The following TPTE2 variants were observed in gnomAD, a reference collection of about 807,000 sequenced individuals.
The protein encoded by TPTE2 is phosphatidylinositol 3,4,5-trisphosphate 3-phosphatase TPTE2.
In TPTE2, 53 loss-of-function variants were observed where a neutral mutation model predicts 78.6. The ratio of observed to expected loss-of-function variants is 0.67; its 90% CI spans 0.54 to 0.85. The LOEUF (loss-of-function observed/expected upper bound fraction) is 0.85, where lower values mean the gene tolerates loss of function less well. Among genes scored for constraint, TPTE2 ranks in the 40% least tolerant of loss-of-function variants. TPTE2 has a pLI of 0.00. For missense variants in TPTE2, 461 were observed against 623.0 expected, an observed-to-expected ratio of 0.74 and a Z score of 2.77; for synonymous variants, 175 against 206.2, an observed-to-expected ratio of 0.85 and a Z score of 1.30.
chr13:19,464,277 G>C (rs1262898643), intron 10 of TPTE2, among the ~76,000 whole-genome samples, 179 bp downstream of exon 13: 3 of 152,190 alleles, frequency 2.0e-5, no homozygotes, highest in Non-Finnish European at 4.4e-5. Context: ...AAGCCAGTAA[G>C]TTTTGGGGTG....
chr13:19,509,494 A>AT (rs1285062642), intron 1 of TPTE2, among the ~76,000 whole-genome samples: 1 of 152,174 alleles, frequency 6.6e-6, no homozygotes, highest in East Asian at 1.9e-4. Flanking sequence ...ATGTTAATAA[A>AT]TGTGAAAACT....
At chr13:19,498,650 G>A (rs914186452) in intron 1 of TPTE2, among the ~76,000 whole-genome samples, 9 of 151,864 alleles carry the variant, frequency 5.9e-5, no homozygotes, top group Admixed American at 1.3e-4. Flanking sequence ...TGAAGGAAGC[G>A]CTAAATATGG....
intron 6 of TPTE2, among the ~76,000 whole-genome samples, chr13:19,468,186 G>C (rs1159453183): frequency 5.3e-5 from 8 of 151,042 alleles, no homozygotes; most frequent in Admixed American, 6.6e-5. Flanking sequence ...GATTACAGGC[G>C]ACCGACACCA....
rs58099129 is a variant in TPTE2, at chr13:19,430,880, A to C, written c.1223-333T>G. Among the ~76,000 whole-genome samples the C allele has an allele frequency of 1.2e-3, 185 of 152,280 alleles. 1 individual carries two copies. Among genetic ancestry groups the C allele is most frequent in the African/African-American group, 3.8e-3 (160 of 41,562 alleles). On this transcript the variant is annotated intron_variant, in intron 16 of 19. Coordinates refer to ENST00000400230, the Ensembl canonical transcript of TPTE2. ...GGTGGCTCACACCTGTAATCCTAGC[A>C]CTTTGGGAGGGCGAGGTGGGTGGAT...
chr13:19,520,094 T>C (rs1870060833), intron 1 of TPTE2, among the ~76,000 whole-genome samples: 1 of 152,120 alleles, frequency 6.6e-6, no homozygotes, highest in South Asian at 2.1e-4. Context: ...ATTGATCTTA[T>C]ATCTTTTGTG....
intron 13 of TPTE2, among the ~76,000 whole-genome samples, chr13:19,439,249 G>A (rs1255913467): frequency 6.6e-6 from 1 of 152,056 alleles, no homozygotes. Context: ...CAGCGGCACT[G>A]GCAACAGCCA....
intron 17 of TPTE2, among the ~76,000 whole-genome samples, chr13:19,427,925 T>A (rs1325183599): frequency 6.6e-6 from 1 of 152,184 alleles, no homozygotes; most frequent in South Asian, 2.1e-4. Context: ...GAGCTGTACA[T>A]TTAAGAAACA....
At chr13:19,433,069 T>C (rs931637572) in intron 15 of TPTE2, among the ~76,000 whole-genome samples, 34 of 152,144 alleles carry the variant, frequency 2.2e-4, no homozygotes, top group African/African-American at 8.2e-4. Flanking sequence ...TCACTTTGCA[T>C]TTCCTCAATT....
At chr13:19,473,002 CT>C (rs1879720271) in intron 6 of TPTE2, among the ~76,000 whole-genome samples, 2 of 152,204 alleles carry the variant, frequency 1.3e-5, no homozygotes, top group Non-Finnish European at 1.5e-5. Flanking sequence ...GGATAATTCT[CT>C]GCATTACCAA....
intron 10 of TPTE2, chr13:19,458,738 C>T (rs1407180565): frequency 6.8e-6 from 3 of 439,912 alleles, no homozygotes; most frequent in Non-Finnish European, 1.4e-5. Context: ...TCTCTTTCAT[C>T]ACTGGCACTA....
chr13:19,477,169 G>T (rs147936389), intron 4 of TPTE2, among the ~76,000 whole-genome samples: 2 of 151,902 alleles, frequency 1.3e-5, no homozygotes, highest in Non-Finnish European at 2.9e-5. Flanking sequence ...TCATAAGGAC[G>T]GATGAACACA....
chr13:19,429,442 G>A (rs1876389642), intron 17 of TPTE2, among the ~76,000 whole-genome samples: 2 of 152,248 alleles, frequency 1.3e-5, no homozygotes, highest in Non-Finnish European at 1.5e-5. Flanking sequence ...TGCAGAGGCA[G>A]AGAGAAAGCT....
chr13:19,544,891 G>A, the TPTE2 span, among the ~76,000 whole-genome samples: 3 of 151,742 alleles, frequency 2.0e-5, no homozygotes, highest in Non-Finnish European at 4.4e-5. Context: ...GATAGAGTGA[G>A]ACTCTGTCTC....
chr13:19,501,594 G>C (rs61955182), intron 1 of TPTE2, among the ~76,000 whole-genome samples: 16,200 of 151,748 alleles, frequency 0.11, 999 homozygotes, highest in Middle Eastern at 0.2. Context: ...AAACTGGCTA[G>C]CCATAAGTAG....
chr13:19,475,568 C>T lies in TPTE2; in HGVS notation c.230+5G>A, dbSNP rs1212089496. On this transcript the variant is annotated splice_donor_5th_base_variant and intron_variant, in intron 5 of 19. Coordinates refer to ENST00000400230, the Ensembl canonical transcript of TPTE2. The stretch of plus-strand genomic sequence containing the variant: ...AATACATGGTGTTTTCTATGTCTCA[C>T]ATACCCAAATGCAAAGGATGATACA... The T allele has an allele frequency of 6.2e-6, 10 of 1,607,844 alleles. No homozygotes were observed. The Admixed American group carries it at 1.0e-4, about 16-fold the overall frequency.
At chr13:19,558,645 T>TA in the TPTE2 span, among the ~76,000 whole-genome samples, 1 of 152,212 alleles carries the variant, frequency 6.6e-6, no homozygotes, top group Non-Finnish European at 1.5e-5. Flanking sequence ...CAATTAACAG[T>TA]AGCCCTTCTG....
chr13:19,561,369 T>C, the TPTE2 span: 45 of 476,492 alleles, frequency 9.4e-5, no homozygotes, highest in Middle Eastern at 1.1e-3. Context: ...CACTCTAATA[T>C]TCCCGCTGTC....
the TPTE2 span, among the ~76,000 whole-genome samples, chr13:19,545,340 C>T: frequency 1.5e-3 from 222 of 152,300 alleles, 2 homozygotes; most frequent in Admixed American, 3.9e-3. Flanking sequence ...ACAGTTAGAC[C>T]TCCCATGTCC....
rs572429549 is a variant in TPTE2 at position 19,476,607 on chromosome 13, C to A, written c.180-984G>T. On this transcript the variant is annotated intron_variant, in intron 4 of 19. Transcript: ENST00000400230. ...GACATGCATGTGGCCAACAAGCATA[C>A]GAAGAAAAGCTCAATATCACAGATT... is the stretch of plus-strand genomic sequence containing the variant. 6.6e-4 allele frequency among the ~76,000 whole-genome samples: 101 copies of A among 152,080 alleles called. 1 individual carries two copies. Among genetic ancestry groups the A allele is most frequent in the African/African-American group, 2.3e-3 (97 of 41,494 alleles).
Sources: allele counts gnomAD v4.1 joint callset (sites outside exome capture counted in the v4.1 genomes callset), GRCh38; gene constraint gnomAD v4.1.1; transcripts MANE v1.5; gene names NCBI Gene and HGNC (gene_info 2026-07-23, HGNC 2026-07-21).